The following DYNC2I1 variants were observed in gnomAD, a reference collection of about 807,000 sequenced individuals.
The protein encoded by DYNC2I1 is dynein 2 intermediate chain 1, also known as cytoplasmic dynein 2 intermediate chain 1.
In DYNC2I1, 89 loss-of-function variants were observed where a neutral mutation model predicts 133.4. The ratio of observed to expected loss-of-function variants is 0.67; its 90% CI spans 0.56 to 0.80. DYNC2I1 has a LOEUF of 0.80. DYNC2I1 is among the 30% of genes least tolerant of loss of function. DYNC2I1 has a pLI of 0.00. For synonymous variants in DYNC2I1, 504 were observed against 484.3 expected (o/e 1.04, Z -0.54); for missense variants, 1,291 against 1,314.5 (o/e 0.98, Z 0.28).
chr7:158,870,827 C>G (rs1399570241), intron 2 of DYNC2I1, among the ~76,000 whole-genome samples: 1 of 152,018 alleles, frequency 6.6e-6, no homozygotes, highest in African/African-American at 2.4e-5. Context: ...AACATTGTAC[C>G]CAATGGGTAA....
chr7:158,911,727 A>G, intron 12 of DYNC2I1, 48 bp downstream of exon 12: 1 of 1,563,400 alleles, frequency 6.4e-7, no homozygotes, highest in Non-Finnish European at 8.7e-7. Flanking sequence ...AGTAAAGTCT[A>G]GTAGGATAAC....
At chr7:158,839,647 G>A in the DYNC2I1 span, among the ~76,000 whole-genome samples, 5 of 152,170 alleles carry the variant, frequency 3.3e-5, no homozygotes, top group Admixed American at 6.5e-5. Flanking sequence ...GTGAAACCCC[G>A]TCTCTACTAA....
chr7:158,854,950 C>T (rs1050352602), upstream of DYNC2I1, among the ~76,000 whole-genome samples: 7 of 152,212 alleles, frequency 4.6e-5, no homozygotes, highest in Non-Finnish European at 8.8e-5. Context: ...CCAAGGTGCC[C>T]GGCCCTGCCT....
intron 11 of DYNC2I1, among the ~76,000 whole-genome samples, 170 bp downstream of exon 11, chr7:158,906,261 G>T (rs1224390824): frequency 6.6e-6 from 1 of 152,124 alleles, no homozygotes; most frequent in African/African-American, 2.4e-5. Context: ...AGTAGAGCAG[G>T]TGTGTGAGCC....
chr7:158,876,496 A>G, intron 3 of DYNC2I1, 113 bp from the exon 4 acceptor site: 2 of 1,328,426 alleles, frequency 1.5e-6, no homozygotes, highest in Non-Finnish European at 2.0e-6. Flanking sequence ...GAATATTTTC[A>G]AATACATATT....
Position 158,942,042 on chromosome 7 carries a change from A to G in DYNC2I1, c.2896A>G (p.Arg966Gly). 1.2e-6 allele frequency: 2 copies of G among 1,613,332 alleles called. No homozygotes were observed. The highest frequency in any genetic ancestry group is 1.7e-6 in the Non-Finnish European group (2 of 1,179,670). The change falls in exon 24 of 25, where the codon AGG becomes GGG. Residue 966 changes from arginine to glycine, a missense_variant. Arg to Gly is a moderately radical substitution (Grantham distance 125, BLOSUM62 -2). Coordinates refer to ENST00000407559, the MANE Select transcript of DYNC2I1 (RefSeq NM_018051.5). ...AVTGLQWSPT[R>G]PAVFLVQDDT... The stretch of plus-strand genomic sequence containing the variant: ...CACCGGCCTGCAGTGGTCCCCAACC[A>G]GGCCTGCCGTGTTCCTGGTGCAGGA...
intron 3 of DYNC2I1, among the ~76,000 whole-genome samples, chr7:158,873,045 CTTA>C (rs1014168073): frequency 4.1e-4 from 62 of 151,796 alleles, no homozygotes; most frequent in Non-Finnish European, 8.7e-4. Flanking sequence ...CTCAATAAGG[CTTA>C]TTATCTCCGT....
the DYNC2I1 span, among the ~76,000 whole-genome samples, chr7:158,848,848 G>T: frequency 6.6e-6 from 1 of 151,922 alleles, no homozygotes; most frequent in Admixed American, 6.6e-5. Context: ...GGCGTGAATC[G>T]CGAGGCAGAG....
At chr7:158,853,876 C>T (rs990590899), upstream of DYNC2I1, among the ~76,000 whole-genome samples, 1 of 152,112 alleles carries the variant, frequency 6.6e-6, no homozygotes, top group Non-Finnish European at 1.5e-5. Context: ...TGGTCTCAAA[C>T]TCCCGACCTC....
chr7:158,870,857 C>T (rs1430870111), intron 2 of DYNC2I1, among the ~76,000 whole-genome samples: 5 of 152,070 alleles, frequency 3.3e-5, no homozygotes, highest in African/African-American at 1.2e-4. Flanking sequence ...CTCTAATACA[C>T]GTAGTATTTT....
chr7:158,861,779 C>T (rs1459648632), intron 1 of DYNC2I1, among the ~76,000 whole-genome samples: 2 of 152,302 alleles, frequency 1.3e-5, no homozygotes, highest in Middle Eastern at 3.4e-3. Flanking sequence ...GAGTGAATTA[C>T]GGTGACTGTA....
chr7:158,901,613 A>G (rs28625162), intron 8 of DYNC2I1, 126 bp from the exon 9 acceptor site: 1 of 646,378 alleles, frequency 1.5e-6, no homozygotes, highest in Admixed American at 3.6e-5. Flanking sequence ...AGTTTTACAA[A>G]TACCTAGAGT....
Position 158,952,520 on chromosome 7 carries a change from G to A in DYNC2I1, c.*57-4063G>A, listed in dbSNP as rs550125982. ...CTCTTTAAGGAGGTGGTTTTGGTGG[G>A]CTCTTTACAGCCTGACAGTAAAAGC... is the stretch of plus-strand genomic sequence containing the variant. On this transcript the variant is annotated intron_variant and NMD_transcript_variant, in intron 4 of 4. Transcript: ENST00000454771. 2.4e-3 allele frequency among the ~76,000 whole-genome samples: 366 copies of A among 152,218 alleles called. 2 individuals are homozygous for A. Among genetic ancestry groups the A allele is most frequent in the African/African-American group, 8.6e-3 (358 of 41,524 alleles).
At position 158,927,230 on chromosome 7, in the gene DYNC2I1, C is replaced by T. The variant is rs553287987; in HGVS notation, c.2485+187C>T. ...CAGCCTGGACAACATAGCAAGACCC[C>T]GTCTCTACAAAAAAATTCAAAAATT... On this transcript the variant is annotated intron_variant, in intron 20 of 24. Transcript: ENST00000407559. 1.3e-4 allele frequency among the ~76,000 whole-genome samples: 19 copies of T among 151,718 alleles called. No homozygotes were observed. The South Asian group carries it at 3.1e-3, about 25-fold the overall frequency.
At chr7:158,877,876 T>G (rs1441175922) in intron 4 of DYNC2I1, among the ~76,000 whole-genome samples, 1 of 152,230 alleles carries the variant, frequency 6.6e-6, no homozygotes, top group African/African-American at 2.4e-5. Flanking sequence ...AGCCTTGTGC[T>G]GTCATACTCA....
chr7:158,926,145 C>T (rs971409455), intron 17 of DYNC2I1, 42 bp from the exon 18 acceptor site: 11 of 1,482,500 alleles, frequency 7.4e-6, no homozygotes, highest in East Asian at 2.3e-5. Context: ...ATTTCTTCAA[C>T]TTACTACTTA....
At chr7:158,866,536 C>T (rs1842422237) in intron 1 of DYNC2I1, among the ~76,000 whole-genome samples, 1 of 152,086 alleles carries the variant, frequency 6.6e-6, no homozygotes, top group South Asian at 2.1e-4. Flanking sequence ...GGGTTCCATT[C>T]AGCCCTTTTT....
At chr7:158,905,023 A>C (rs1245158469) in intron 10 of DYNC2I1, 1 of 322,940 alleles carries the variant, frequency 3.1e-6, no homozygotes, top group East Asian at 9.1e-5. Context: ...ATAAATACAC[A>C]GGTAAGTATG....
At chr7:158,884,308 G>A (rs1374753219) in intron 5 of DYNC2I1, among the ~76,000 whole-genome samples, 4 of 152,200 alleles carry the variant, frequency 2.6e-5, no homozygotes, top group Non-Finnish European at 4.4e-5. Flanking sequence ...GCCTCCCAAA[G>A]TGCTGGGATC....
Sources: gnomAD v4.1 joint callset for allele counts (sites outside exome capture counted in the v4.1 genomes callset) on GRCh38, gnomAD v4.1.1 for gene constraint, MANE v1.5 for transcripts, NCBI Gene and HGNC (gene_info 2026-07-23, HGNC 2026-07-21) for gene names.